The following CHST8 variants were observed in gnomAD, a reference collection of about 807,000 sequenced individuals.
CHST8 encodes carbohydrate sulfotransferase 8, also known as GALNAC-4-ST1.
A neutral mutation model predicts 15.0 loss-of-function variants in CHST8; 10 were observed. That is an observed-to-expected ratio of 0.67 (90% CI 0.41 to 1.13). The LOEUF (loss-of-function observed/expected upper bound fraction) is 1.13, where lower values mean the gene tolerates loss of function less well. Ranked by LOEUF, CHST8 falls within the 50% of genes most tolerant of loss-of-function variation. CHST8 has a pLI of 0.00. For synonymous variants in CHST8, 259 were observed against 256.6 expected (o/e 1.01, Z -0.09); for missense variants, 634 against 608.2 (o/e 1.04, Z -0.45).
At chr19:33,650,157 T>C (rs1972416239) in intron 1 of CHST8, among the ~76,000 whole-genome samples, 1 of 152,118 alleles carries the variant, frequency 6.6e-6, no homozygotes. Context: ...AGTCCTGCTG[T>C]AGTCACTCTT....
chr19:33,669,317 T>C (rs1600249217), intron 2 of CHST8, among the ~76,000 whole-genome samples: 2 of 152,172 alleles, frequency 1.3e-5, no homozygotes, highest in East Asian at 1.9e-4. Flanking sequence ...TCTTTGTCCC[T>C]TTTGGGTGTA....
chr19:33,631,612 T>G (rs994212597), intron 1 of CHST8, among the ~76,000 whole-genome samples: 2 of 152,210 alleles, frequency 1.3e-5, no homozygotes, highest in Non-Finnish European at 1.5e-5. Flanking sequence ...CTGCTTAGAT[T>G]TGGGGCCTCA....
intron 3 of CHST8, among the ~76,000 whole-genome samples, chr19:33,743,949 G>A (rs1244305280): frequency 2.6e-5 from 4 of 151,810 alleles, no homozygotes; most frequent in East Asian, 3.9e-4. Flanking sequence ...CTGCCACCAC[G>A]CCTGGCTGAT....
rs1029600575 is a variant in CHST8 at position 33,621,954 on chromosome 19, C to T, written c.-506C>T. On this transcript the variant is annotated 5_prime_UTR_variant, in exon 1 of 5. Coordinates refer to ENST00000650847, the MANE Select transcript of CHST8 (RefSeq NM_001127895.2). The stretch of plus-strand genomic sequence containing the variant: ...AGCCTCGCCGGAGGCTTCGCTCTCA[C>T]TTCGCTGGGAGCCTTCCCGGCGCGC... 2.6e-5 allele frequency: 4 copies of T among 152,048 alleles called. No homozygotes were observed. Among genetic ancestry groups the T allele is most frequent in the Non-Finnish European group, 5.9e-5 (4 of 67,936 alleles). 9.4% of individuals were successfully genotyped at this position (152,048 alleles called of 1,614,324 possible).
intron 3 of CHST8, among the ~76,000 whole-genome samples, chr19:33,747,552 C>CACACACAT (rs1329515195): frequency 6.6e-6 from 1 of 151,690 alleles, no homozygotes; most frequent in Admixed American, 6.6e-5. Context: ...ACATATGCCA[C>CACACACAT]ACACACATAC....
At chr19:33,731,553 T>G (rs1473474580) in intron 3 of CHST8, among the ~76,000 whole-genome samples, 1 of 152,224 alleles carries the variant, frequency 6.6e-6, no homozygotes, top group Non-Finnish European at 1.5e-5. Flanking sequence ...CACAGCCTGC[T>G]TTATCAGCAA....
intron 1 of CHST8, among the ~76,000 whole-genome samples, chr19:33,655,960 G>A (rs1972505716): frequency 6.6e-6 from 1 of 152,012 alleles, no homozygotes; most frequent in African/African-American, 2.4e-5. Flanking sequence ...TTGAACATCT[G>A]TCCAGGTCAT....
At chr19:33,660,037 A>AG (rs1040897658) in intron 1 of CHST8, among the ~76,000 whole-genome samples, 1 of 152,112 alleles carries the variant, frequency 6.6e-6, no homozygotes, top group African/African-American at 2.4e-5. Flanking sequence ...CTGGCCCCTG[A>AG]GGGGCTGCCC....
chr19:33,741,273 T>C (rs1197943300), intron 3 of CHST8, among the ~76,000 whole-genome samples: 5 of 146,024 alleles, frequency 3.4e-5, no homozygotes, highest in Non-Finnish European at 7.7e-5. Flanking sequence ...CTGCGTTTTA[T>C]TCCAGCCTGT....
intron 3 of CHST8, among the ~76,000 whole-genome samples, chr19:33,762,546 T>A (rs1004758213): frequency 1.3e-5 from 2 of 152,222 alleles, no homozygotes; most frequent in African/African-American, 4.8e-5. Context: ...GACAGGAAGA[T>A]GCAGGCTCCG....
intron 1 of CHST8, among the ~76,000 whole-genome samples, chr19:33,647,939 T>A (rs868539202): frequency 3.9e-5 from 6 of 151,984 alleles, no homozygotes; most frequent in South Asian, 2.1e-4. Flanking sequence ...TGGGGGTTTT[T>A]ATTTTTTTTT....
chr19:33,758,137 G>A (rs460255), intron 3 of CHST8, among the ~76,000 whole-genome samples: 2 of 149,316 alleles, frequency 1.3e-5, no homozygotes, highest in Admixed American at 6.8e-5. Context: ...GTGGGGTGGG[G>A]TGGGGGGGCA....
At chr19:33,724,101 C>T (rs181177717) in intron 3 of CHST8, among the ~76,000 whole-genome samples, 2 of 152,300 alleles carry the variant, frequency 1.3e-5, no homozygotes, top group African/African-American at 2.4e-5. Context: ...CCTGGCTCCT[C>T]GGTGCCCTTG....
chr19:33,652,084 T>C (rs1315822598), intron 1 of CHST8, among the ~76,000 whole-genome samples: 2 of 152,190 alleles, frequency 1.3e-5, no homozygotes, highest in Non-Finnish European at 2.9e-5. Flanking sequence ...TGTAAAGCAA[T>C]GTTATTAGGT....
At chr19:33,739,029 G>A (rs965622958) in intron 3 of CHST8, among the ~76,000 whole-genome samples, 1 of 152,086 alleles carries the variant, frequency 6.6e-6, no homozygotes, top group African/African-American at 2.4e-5. Context: ...AGTATGGGCC[G>A]CATCCACAGG....
intron 1 of CHST8, among the ~76,000 whole-genome samples, chr19:33,644,423 A>G (rs902312730): frequency 5.9e-5 from 9 of 152,050 alleles, no homozygotes; most frequent in African/African-American, 1.9e-4. Context: ...GGCAGCAGAC[A>G]GTGAACACTA....
At chr19:33,768,749 G>A (rs561163176) in intron 3 of CHST8, among the ~76,000 whole-genome samples, 7 of 152,124 alleles carry the variant, frequency 4.6e-5, no homozygotes, top group South Asian at 2.1e-4. Flanking sequence ...CACCGTGCCC[G>A]GCAGTAAATT....
intron 1 of CHST8, among the ~76,000 whole-genome samples, chr19:33,662,545 T>C (rs949046105): frequency 2.0e-5 from 3 of 152,160 alleles, no homozygotes; most frequent in African/African-American, 7.2e-5. Context: ...TCAGGGACTG[T>C]CTTTGCCCCA....
chr19:33,757,446 G>A (rs558327475), intron 3 of CHST8, among the ~76,000 whole-genome samples: 5 of 27,096 alleles, frequency 1.8e-4, no homozygotes, highest in African/African-American at 2.9e-4. Flanking sequence ...AAGAAAGAAA[G>A]AAAGAAAGAA....
Sources: gnomAD v4.1 joint callset for allele counts (sites outside exome capture counted in the v4.1 genomes callset) on GRCh38, gnomAD v4.1.1 for gene constraint, MANE v1.5 for transcripts, NCBI Gene and HGNC (gene_info 2026-07-23, HGNC 2026-07-21) for gene names.